The following MRAP2 variants were observed in gnomAD, a reference collection of about 807,000 sequenced individuals.
MRAP2 encodes melanocortin 2 receptor accessory protein 2, also known as melanocortin-2 receptor accessory protein 2.
In MRAP2, 20 loss-of-function variants were observed where a neutral mutation model predicts 17.4. The ratio of observed to expected loss-of-function variants is 1.15; its 90% CI spans 0.81 to 1.67. MRAP2 has a LOEUF of 1.67. Among genes scored for constraint, MRAP2 ranks in the 40% most tolerant of loss-of-function variants. The probability of loss-of-function intolerance (pLI) is 0.00; values close to 1 mark genes in which losing one functional copy is unlikely to be tolerated. For missense variants in MRAP2, 238 were observed against 240.0 expected, an observed-to-expected ratio of 0.99 and a Z score of 0.05; for synonymous variants, 96 against 88.4, an observed-to-expected ratio of 1.09 and a Z score of -0.48.
rs373073556 is a variant in MRAP2 at position 84,059,255 on chromosome 6, T to C, written c.128-3638T>C. Reference sequence around the variant, plus strand: ...ACCTTGCAGATACCAGACCCATGCATGGATGGGTCAGCAAGAAGCCAGGTC... The same window carrying C: ...ACCTTGCAGATACCAGACCCATGCACGGATGGGTCAGCAAGAAGCCAGGTC... On this transcript the variant is annotated intron_variant, in intron 2 of 3. Coordinates refer to ENST00000257776, the MANE Select transcript of MRAP2 (RefSeq NM_138409.4). Among the ~76,000 whole-genome samples the C allele has an allele frequency of 2.6e-5, 4 of 152,246 alleles. No homozygotes were observed. The East Asian group carries it at 7.7e-4, about 29-fold the overall frequency.
chr6:84,135,522 A>G, the MRAP2 span, among the ~76,000 whole-genome samples: 1 of 152,184 alleles, frequency 6.6e-6, no homozygotes. Context: ...GAAACTACAC[A>G]TCTCAATTTA....
At chr6:84,085,267 G>A (rs1173777341) in intron 3 of MRAP2, among the ~76,000 whole-genome samples, 2 of 152,044 alleles carry the variant, frequency 1.3e-5, no homozygotes, top group Non-Finnish European at 2.9e-5. Flanking sequence ...TGTTGGCCAG[G>A]ATGGTCTCGA....
chr6:84,062,044 C>G (rs879385515), intron 2 of MRAP2: 15 of 985,360 alleles, frequency 1.5e-5, no homozygotes, highest in Non-Finnish European at 1.8e-5. Context: ...GTAATGAGAG[C>G]CTGAATTATC....
chr6:84,138,832 CT>C, the MRAP2 span, among the ~76,000 whole-genome samples: 1 of 152,120 alleles, frequency 6.6e-6, no homozygotes, highest in African/African-American at 2.4e-5. Context: ...AAACTTAGTG[CT>C]TATGTTAACA....
At chr6:84,122,222 A>AGTGTC in the MRAP2 span, among the ~76,000 whole-genome samples, 1 of 152,098 alleles carries the variant, frequency 6.6e-6, no homozygotes, top group Admixed American at 6.6e-5. Flanking sequence ...CTATAAATAC[A>AGTGTC]GTGTCACCCT....
At position 84,089,164 on chromosome 6, in the gene MRAP2, G is replaced by A; in HGVS notation, c.301G>A (p.Asp101Asn). 6.2e-7 allele frequency: 1 copy of A among 1,614,184 alleles called. No homozygotes were observed. Among genetic ancestry groups the A allele is most frequent in the Middle Eastern group, 1.6e-4 (1 of 6,062 alleles). Reference sequence around the variant, plus strand: ...AGACTTTGGAAGACCTCTGGAGCCAGATAAAGTATTTTCTCGCCAAGGCAA... The same window carrying A: ...AGACTTTGGAAGACCTCTGGAGCCAAATAAAGTATTTTCTCGCCAAGGCAA... ...VSDFGRPLEP[D>N]KVFSRQGNEE... The change falls in exon 4 of 4, where the codon GAT becomes AAT. Residue 101 changes from aspartate to asparagine, a missense_variant. Transcript: ENST00000257776.
chr6:84,144,502 T>C, the MRAP2 span, among the ~76,000 whole-genome samples: 1 of 152,140 alleles, frequency 6.6e-6, no homozygotes. Flanking sequence ...TTAATTGTTT[T>C]ACTGTTACTT....
chr6:84,109,388 T>C, the MRAP2 span, among the ~76,000 whole-genome samples: 1 of 152,086 alleles, frequency 6.6e-6, no homozygotes, highest in African/African-American at 2.4e-5. Flanking sequence ...AGGTCCTTCA[T>C]TCCCTTGTTA....
At chr6:84,104,704 T>C in the MRAP2 span, among the ~76,000 whole-genome samples, 9 of 151,964 alleles carry the variant, frequency 5.9e-5, no homozygotes, top group Non-Finnish European at 5.9e-5. Flanking sequence ...CTGTCTCTAC[T>C]AAAAATACAA....
rs184383551 is a variant in MRAP2, at chr6:84,087,246, C to T, written c.228-1845C>T. Among the ~76,000 whole-genome samples the T allele has an allele frequency of 1.8e-4, 28 of 152,204 alleles. No homozygotes were observed. The highest frequency in any genetic ancestry group is 2.5e-4 in the Non-Finnish European group (17 of 68,000). ...TGAACATTGGTTCAGTCTGGAAAGG[C>T]GGGACTACTCGAAGCAGGGAGGGGA... On this transcript the variant is annotated intron_variant, in intron 3 of 3. Coordinates refer to ENST00000257776, the MANE Select transcript of MRAP2 (RefSeq NM_138409.4).
the MRAP2 span, among the ~76,000 whole-genome samples, chr6:84,108,671 C>T: frequency 6.6e-6 from 1 of 152,116 alleles, no homozygotes; most frequent in East Asian, 1.9e-4. Flanking sequence ...TAGGAAGAAG[C>T]TCTTTAGTTA....
intron 1 of MRAP2, among the ~76,000 whole-genome samples, chr6:84,048,158 T>C (rs899009075): frequency 6.6e-6 from 1 of 152,178 alleles, no homozygotes; most frequent in Admixed American, 6.5e-5. Flanking sequence ...CTATATCATA[T>C]GGTTATTCCA....
chr6:84,119,920 CA>C, the MRAP2 span, among the ~76,000 whole-genome samples: 1 of 152,140 alleles, frequency 6.6e-6, no homozygotes, highest in Non-Finnish European at 1.5e-5. Flanking sequence ...CCTGGTGCCA[CA>C]AATCTCTATT....
the MRAP2 span, among the ~76,000 whole-genome samples, chr6:84,135,883 G>A: frequency 6.6e-6 from 1 of 152,246 alleles, no homozygotes; most frequent in East Asian, 1.9e-4. Flanking sequence ...AAAAAAATGA[G>A]CCTGGTACAC....
chr6:84,120,052 T>C, the MRAP2 span, among the ~76,000 whole-genome samples: 1 of 152,192 alleles, frequency 6.6e-6, no homozygotes, highest in Admixed American at 6.5e-5. Context: ...GCCAGAGGTG[T>C]AGTGCTGTCC....
intron 2 of MRAP2, among the ~76,000 whole-genome samples, chr6:84,061,357 A>G (rs1372865329): frequency 6.6e-6 from 1 of 152,238 alleles, no homozygotes; most frequent in Non-Finnish European, 1.5e-5. Flanking sequence ...ATGTAGAATG[A>G]TTCAACTCTG....
chr6:84,076,565 GC>G (rs1353441792), intron 3 of MRAP2, among the ~76,000 whole-genome samples: 1 of 152,056 alleles, frequency 6.6e-6, no homozygotes, highest in Non-Finnish European at 1.5e-5. Context: ...TCACCACGTT[GC>G]CCAGGCTGGT....
chr6:84,040,690 G>T (rs954027415), intron 1 of MRAP2, among the ~76,000 whole-genome samples: 2 of 152,178 alleles, frequency 1.3e-5, no homozygotes, highest in Admixed American at 6.5e-5. Flanking sequence ...TGGAGCAAAG[G>T]TGACTCTTGC....
At chr6:84,058,041 C>T (rs992590504) in intron 2 of MRAP2, among the ~76,000 whole-genome samples, 3 of 152,068 alleles carry the variant, frequency 2.0e-5, no homozygotes, top group Admixed American at 6.6e-5. Context: ...GAAACGAAGT[C>T]AAAGAGGCTG....
Sources: gnomAD v4.1 joint callset for allele counts (sites outside exome capture counted in the v4.1 genomes callset) on GRCh38, gnomAD v4.1.1 for gene constraint, MANE v1.5 for transcripts, NCBI Gene and HGNC (gene_info 2026-07-23, HGNC 2026-07-21) for gene names.